Variants in FLNB observed in about 807,000 individuals in gnomAD.
FLNB encodes the protein filamin B.
Under a neutral mutation model 250.6 loss-of-function variants are expected in FLNB, and 111 were observed. The ratio of observed to expected loss-of-function variants is 0.44; its 90% CI spans 0.38 to 0.52. The LOEUF (loss-of-function observed/expected upper bound fraction) is 0.52. FLNB is among the 20% of genes least tolerant of loss of function. The probability of loss-of-function intolerance (pLI) is 0.00; values close to 1 mark genes in which losing one functional copy is unlikely to be tolerated. For synonymous variants in FLNB, 1,302 were observed against 1,372.1 expected, an observed-to-expected ratio of 0.95 and a Z score of 1.13; for missense variants, 2,869 against 3,447.8, an observed-to-expected ratio of 0.83 and a Z score of 4.20.
chr3:58,123,374 C>T lies in FLNB; in HGVS notation c.3408C>T (p.Val1136=), dbSNP rs776095692. The T allele has an allele frequency of 5.6e-6, 9 of 1,614,036 alleles. No individual in the cohort carries two copies. The highest frequency in any genetic ancestry group is 4.0e-5 in the African/African-American group (3 of 74,908). ...DIEMPFDPSK[V]VASGPGLEHG... ...AAATGCCCTTTGACCCCTCTAAAGT[C>T]GTGGCATCGGGGCCAGGTCTCGAGC... Residue 1136 remains valine (V), a synonymous_variant, in exon 21 of 46, where the codon GTC becomes GTT. Coordinates refer to ENST00000295956, the MANE Select transcript of FLNB (RefSeq NM_001457.4).
chr3:58,015,879 A>C (rs1267248834), intron 1 of FLNB, among the ~76,000 whole-genome samples: 1 of 152,166 alleles, frequency 6.6e-6, no homozygotes, highest in East Asian at 1.9e-4. Flanking sequence ...GCTAAGACCT[A>C]AAGCGTGACT....
intron 1 of FLNB, among the ~76,000 whole-genome samples, chr3:58,055,841 A>G (rs1448716739): frequency 6.6e-6 from 1 of 152,194 alleles, no homozygotes; most frequent in Non-Finnish European, 1.5e-5. Context: ...AAATTTTTAG[A>G]TATAGCAATA....
intron 43 of FLNB, 131 bp downstream of exon 43, chr3:58,163,461 G>A (rs910764971): frequency 5.5e-6 from 5 of 915,660 alleles, no homozygotes; most frequent in Non-Finnish European, 8.5e-6. Flanking sequence ...TGCACACTTC[G>A]GAGGCGCTTG....
At chr3:58,149,721 C>T (rs994717902) in intron 36 of FLNB, 129 bp from the exon 37 acceptor site, 46 of 1,207,568 alleles carry the variant, frequency 3.8e-5, no homozygotes, top group Non-Finnish European at 4.9e-5. Flanking sequence ...CAAACGAGGC[C>T]GCCATTGCTT....
In FLNB at chr3:58,073,848, T is replaced by G. The variant is rs115203498; in HGVS notation, c.293-3198T>G. Reference sequence around the variant, plus strand: ...TGACAGGTCCCAGCTTTTTACTAGCTGTTGCTTGGAGGCTAACCTCAGGTT... The same window carrying G: ...TGACAGGTCCCAGCTTTTTACTAGCGGTTGCTTGGAGGCTAACCTCAGGTT... On this transcript the variant is annotated intron_variant, in intron 1 of 45. Coordinates refer to ENST00000295956, the MANE Select transcript of FLNB (RefSeq NM_001457.4). Among the ~76,000 whole-genome samples the G allele has an allele frequency of 4.1e-3, 632 of 152,344 alleles. 4 individuals are homozygous for G. Among genetic ancestry groups the G allele is most frequent in the African/African-American group, 0.014 (596 of 41,570 alleles).
At chr3:58,167,225 C>G (rs922856167) in intron 43 of FLNB, among the ~76,000 whole-genome samples, 1 of 152,222 alleles carries the variant, frequency 6.6e-6, no homozygotes, top group African/African-American at 2.4e-5. Context: ...CCGCTTCTTC[C>G]CTACGTAGCC....
rs1347443667 is a variant in FLNB at position 58,123,453 on chromosome 3, C to G, written c.3487C>G (p.Pro1163Ala). The G allele has an allele frequency of 6.2e-7, 1 of 1,609,446 alleles. No individual in the cohort carries two copies. Among genetic ancestry groups the G allele is most frequent in the South Asian group, 1.1e-5 (1 of 90,840 alleles). Reference protein sequence around the residue: ...LLSVDCSEAGPGALGLEAVSD... With the variant: ...LLSVDCSEAGAGALGLEAVSD... ...TAGCGTCGACTGCTCGGAAGCGGGA[C>G]CGGGGGCCCTGGGCCTGGAAGCTGT... The change falls in exon 21 of 46, where the codon CCG (proline) becomes GCG (alanine). Residue 1163 changes from proline to alanine, a missense_variant. Pro to Ala is a conservative substitution (Grantham distance 27). Transcript: ENST00000295956.
chr3:58,109,548 TTGA>T, intron 14 of FLNB, 25 bp from the exon 15 acceptor site: 2 of 1,614,160 alleles, frequency 1.2e-6, no homozygotes, highest in Non-Finnish European at 1.7e-6. Context: ...GGAGGAGAAC[TTGA>T]TGACCTTCTC....
chr3:58,092,431 C>G (rs2107027237), intron 4 of FLNB, among the ~76,000 whole-genome samples: 1 of 152,138 alleles, frequency 6.6e-6, no homozygotes, highest in South Asian at 2.1e-4. Flanking sequence ...ATCACTTGAG[C>G]CCAGGAGTTT....
chr3:58,046,455 G>GT (rs34935660), intron 1 of FLNB, among the ~76,000 whole-genome samples: 52,515 of 143,986 alleles, frequency 0.36, 9,472 homozygotes, highest in Middle Eastern at 0.54. Context: ...TTTTAGAATT[G>GT]TTTTTTTTTT....
Position 58,105,153 on chromosome 3 carries a change from G to A in FLNB, c.1684G>A (p.Gly562Arg), listed in dbSNP as rs2097257603. 6.2e-7 allele frequency: 1 copy of A among 1,614,108 alleles called. No homozygotes were observed. The highest frequency in any genetic ancestry group is 1.7e-5 in the Admixed American group (1 of 60,008). Residue 562 changes from glycine (G) to arginine (R), a missense_variant, in exon 11 of 46, where the codon GGG (glycine) becomes AGG (arginine). By Grantham distance (125) the Gly-to-Arg change is moderately radical. Around this residue, in one of 5 missense-constraint regions of FLNB, gnomAD observed 1,348 missense variants for 1,466.7 expected, o/e 0.92. Coordinates refer to ENST00000295956, the MANE Select transcript of FLNB (RefSeq NM_001457.4). Reference protein sequence around the residue: ...VRAWGPGLHGGIVGRSADFVV... With the variant: ...VRAWGPGLHGRIVGRSADFVV... ...TGCTTGGGGCCCTGGGCTCCATGGTGGGATTGTCGGGCGGTCAGCGGACTT... is the reference window on the plus strand; with the variant it reads ...TGCTTGGGGCCCTGGGCTCCATGGTAGGATTGTCGGGCGGTCAGCGGACTT...
intron 1 of FLNB, among the ~76,000 whole-genome samples, chr3:58,032,089 T>G (rs1281041328): frequency 6.6e-6 from 1 of 151,814 alleles, no homozygotes. Flanking sequence ...CCACCACACC[T>G]GACTAATTTT....
intron 1 of FLNB, among the ~76,000 whole-genome samples, chr3:58,013,320 C>T (rs527976376): frequency 6.6e-6 from 1 of 152,282 alleles, no homozygotes; most frequent in South Asian, 2.1e-4. Flanking sequence ...CAGGCCAGCG[C>T]CAGAGCAGGC....
In FLNB at chr3:58,109,711, C is replaced by T; in HGVS notation, c.2323+12C>T. 1 of 1,614,068 alleles carries T rather than the reference C, an allele frequency of 6.2e-7. No individual in the cohort carries two copies. The highest frequency in any genetic ancestry group is 8.5e-7 in the Non-Finnish European group (1 of 1,180,016). On this transcript the variant is annotated intron_variant, in intron 15 of 45. Transcript: ENST00000295956. ...TGAGGCTGGGGAAGGTGAGAAAGGG[C>T]TTTGTTCAACCCAGTGATCATTGCT... is the stretch of plus-strand genomic sequence containing the variant.
chr3:58,166,444 A>T (rs547483674), intron 43 of FLNB, among the ~76,000 whole-genome samples: 3 of 152,300 alleles, frequency 2.0e-5, no homozygotes, highest in East Asian at 3.9e-4. Flanking sequence ...AAAAATTTTT[A>T]AAGACGAACT....
intron 4 of FLNB, among the ~76,000 whole-genome samples, chr3:58,092,075 A>G (rs1370274673): frequency 1.3e-5 from 2 of 152,244 alleles, no homozygotes; most frequent in African/African-American, 4.8e-5. Context: ...CAACCCAATA[A>G]GAAAATGGGC....
chr3:58,145,058 A>G (rs1001082987), intron 32 of FLNB, among the ~76,000 whole-genome samples: 3 of 152,326 alleles, frequency 2.0e-5, no homozygotes, highest in Non-Finnish European at 2.9e-5. Context: ...AGTTGTCTGT[A>G]TGTAATATTG....
intron 20 of FLNB, among the ~76,000 whole-genome samples, chr3:58,122,425 A>G (rs1447780629): frequency 4.7e-5 from 7 of 148,502 alleles, no homozygotes; most frequent in African/African-American, 1.7e-4. Flanking sequence ...CCTGGGAGGC[A>G]GAGGTTGCAG....
rs1200949580 is a variant in FLNB, at chr3:58,042,563, AGAATGCAGTAGCACGATCATG to A, written c.292+33709_292+33729del. 3.3e-5 allele frequency among the ~76,000 whole-genome samples: 5 copies of A among 152,148 alleles called. No homozygotes were observed. In the East Asian group the frequency reaches 9.7e-4, roughly 29 times the overall value. ...AGGGTCTCACTTTGTCACCCAGGCC[AGAATGCAGTAGCACGATCATG>A]GCTCACTGCAGTCTCAACCTCCCAG... On this transcript the variant is annotated intron_variant, in intron 1 of 45. Coordinates refer to ENST00000295956, the MANE Select transcript of FLNB (RefSeq NM_001457.4).
Sources: allele counts gnomAD v4.1 joint callset (sites outside exome capture counted in the v4.1 genomes callset), GRCh38; gene constraint gnomAD v4.1.1; regional missense constraint gnomAD v4.1.1; transcripts MANE v1.5; gene names NCBI Gene and HGNC (gene_info 2026-07-23, HGNC 2026-07-21).